PCDHA4: variants seen among roughly 807,000 people sequenced by gnomAD.
PCDHA4 encodes the protein protocadherin alpha 4, also known as protocadherin alpha-4.
A neutral mutation model predicts 61.4 loss-of-function variants in PCDHA4; 49 were observed. That is an observed-to-expected ratio of 0.80 (90% confidence interval 0.63 to 1.01). The LOEUF is 1.01. Among genes scored for constraint, PCDHA4 ranks in the 50% least tolerant of loss-of-function variants. The pLI is 0.00. For missense variants in PCDHA4, 1,254 were observed against 1,235.8 expected (o/e 1.01, Z -0.22); for synonymous variants, 590 against 550.3 (o/e 1.07, Z -1.01).
intron 1 of PCDHA4, among the ~76,000 whole-genome samples, chr5:140,917,223 C>T (rs1351907671): frequency 2.0e-5 from 3 of 150,934 alleles, no homozygotes; most frequent in African/African-American, 4.9e-5. Flanking sequence ...TTTAGTGATA[C>T]GTTGTTAAAT....
At position 140,840,546 on chromosome 5, in the gene PCDHA4, T is replaced by C. The variant is rs2150307753; in HGVS notation, c.2385+30974T>C. ...AGATGAAGAACTAACAAGCCAATGATGGCAATACTGCTAGAGTTTGGCATG... is the reference window on the plus strand; with the variant it reads ...AGATGAAGAACTAACAAGCCAATGACGGCAATACTGCTAGAGTTTGGCATG... On this transcript the variant is annotated intron_variant, in intron 1 of 3. Coordinates refer to ENST00000530339, the MANE Select transcript of PCDHA4 (RefSeq NM_018907.4). 2.8e-4 allele frequency among the ~76,000 whole-genome samples: 42 copies of C among 152,170 alleles called. 1 individual carries two copies. The highest frequency in any genetic ancestry group is 9.9e-4 in the African/African-American group (41 of 41,470).
intron 1 of PCDHA4, chr5:140,926,735 G>A (rs2083511846): frequency 1.1e-5 from 12 of 1,140,634 alleles, no homozygotes; most frequent in African/African-American, 1.6e-5. Context: ...GCGTTCGGGA[G>A]GCGCAACGTC....
intron 1 of PCDHA4, among the ~76,000 whole-genome samples, chr5:140,844,191 G>A (rs1554140562): frequency 6.7e-6 from 1 of 149,410 alleles, no homozygotes; most frequent in South Asian, 2.1e-4. Flanking sequence ...CATCTTATCT[G>A]ACTTTTTAGT....
chr5:140,842,046 T>C (rs1554138752), intron 1 of PCDHA4: 1 of 1,613,856 alleles, frequency 6.2e-7, no homozygotes, highest in African/African-American at 1.3e-5. Flanking sequence ...GCTCCCACTT[T>C]CGAACAGTCT....
At chr5:140,857,215 G>A in intron 1 of PCDHA4, 1 of 1,598,474 alleles carries the variant, frequency 6.3e-7, no homozygotes. Flanking sequence ...GCTCTCTGAC[G>A]CCTCACGTTC....
intron 1 of PCDHA4, among the ~76,000 whole-genome samples, chr5:140,896,268 A>T (rs2065469707): frequency 6.6e-6 from 1 of 152,150 alleles, no homozygotes; most frequent in African/African-American, 2.4e-5. Context: ...CAGTTATGGG[A>T]TTTGCTGGCT....
At chr5:140,850,410 G>T (rs369126896) in intron 1 of PCDHA4, 1 of 1,597,934 alleles carries the variant, frequency 6.3e-7, no homozygotes, top group Middle Eastern at 1.7e-4. Flanking sequence ...TGCCCTGGAC[G>T]AAACGGACGC....
rs1554124616 is a variant in PCDHA4, at chr5:140,808,527, A to G, written c.1340A>G (p.Asp447Gly). ...ATASVSVEVADVNDNAPAFAQ... is the reference protein window; with the variant it reads ...ATASVSVEVAGVNDNAPAFAQ... ...GCCAGTGTTTCTGTGGAGGTGGCTG[A>G]TGTGAACGACAACGCTCCGGCGTTC... Residue 447 changes from aspartate to glycine, a missense_variant, in exon 1 of 4, where the codon GAT becomes GGT. Asp to Gly is a moderately conservative substitution (Grantham distance 94). Coordinates refer to ENST00000530339, the MANE Select transcript of PCDHA4 (RefSeq NM_018907.4). 6.2e-7 allele frequency: 1 copy of G among 1,614,152 alleles called. No individual in the cohort carries two copies. The highest frequency in any genetic ancestry group is 1.7e-5 in the Admixed American group (1 of 60,036).
intron 1 of PCDHA4, chr5:140,823,713 T>G: frequency 6.2e-7 from 1 of 1,613,916 alleles, no homozygotes; most frequent in Admixed American, 1.7e-5. Flanking sequence ...GCCACCGCCT[T>G]CTGGTGCTGG....
chr5:140,957,021 T>C (rs1431974405), intron 1 of PCDHA4, among the ~76,000 whole-genome samples: 3 of 152,182 alleles, frequency 2.0e-5, no homozygotes, highest in Non-Finnish European at 2.9e-5. Context: ...AGTGAGCATT[T>C]AGATATTTAT....
intron 1 of PCDHA4, chr5:140,842,447 G>A: frequency 6.2e-7 from 1 of 1,613,790 alleles, no homozygotes; most frequent in Non-Finnish European, 8.5e-7. Context: ...TAGCGTGAAC[G>A]ACCTCGATTC....
chr5:140,898,338 C>G (rs2066670384), intron 1 of PCDHA4, among the ~76,000 whole-genome samples: 2 of 152,188 alleles, frequency 1.3e-5, no homozygotes, highest in African/African-American at 2.4e-5. Flanking sequence ...ACGTTTAAGT[C>G]TTTAATCCAT....
Position 140,809,365 on chromosome 5 carries a change from G to A in PCDHA4, c.2178G>A (p.Leu726=). 6.2e-7 allele frequency: 1 copy of A among 1,614,026 alleles called. No homozygotes were observed. Among genetic ancestry groups the A allele is most frequent in the Middle Eastern group, 1.7e-4 (1 of 6,060 alleles). The change falls in exon 1 of 4, where the codon CTG becomes CTA. Residue 726 remains leucine, a synonymous_variant. Transcript: ENST00000530339. ...ACACCGCGCTGCGGTGCTCTGCGCT[G>A]CCCACCGAGGGCGCGTGCGCTCCGG... is the stretch of plus-strand genomic sequence containing the variant. ...LLYTALRCSA[L]PTEGACAPGK...
rs2150473987 is a variant in PCDHA4 at position 140,850,218 on chromosome 5, G to C, written c.2385+40646G>C. ...GACACCTCGGATGAGGGGCACTGAC[G>C]GCGCAGTGAGCGAGATGGTGCTGCG... is the stretch of plus-strand genomic sequence containing the variant. On this transcript the variant is annotated intron_variant, in intron 1 of 3. Transcript: ENST00000530339. 11 of 1,593,684 alleles carry C rather than the reference G, an allele frequency of 6.9e-6. 1 individual carries two copies. The highest frequency in any genetic ancestry group is 4.4e-5 in the South Asian group (4 of 90,424).
chr5:140,942,589 T>G (rs1444015331), intron 1 of PCDHA4, among the ~76,000 whole-genome samples: 1 of 148,934 alleles, frequency 6.7e-6, no homozygotes, highest in Non-Finnish European at 1.5e-5. Flanking sequence ...GGATGTCACA[T>G]ATAATTATAG....
rs892297422 is a variant in PCDHA4, at chr5:140,851,955, G to T, written c.2385+42383G>T. The T allele has an allele frequency of 3.1e-6, 3 of 975,116 alleles. 1 individual carries two copies. Among genetic ancestry groups the T allele is most frequent in the Non-Finnish European group, 3.7e-6 (3 of 807,888 alleles). The allele number at this position is 975,116 out of a possible 1,614,324, so 60.4% of individuals were successfully genotyped here. A position where few individuals can be genotyped will look rare whatever the true frequency, so the allele number is the denominator to read the frequency against. On this transcript the variant is annotated intron_variant, in intron 1 of 3. Transcript: ENST00000530339. Reference sequence around the variant, plus strand: ...ATTGTAGTATGTGACTTTCAAAATGGTGGTTTTCCACACTCTACCTTTAGT... The same window carrying T: ...ATTGTAGTATGTGACTTTCAAAATGTTGGTTTTCCACACTCTACCTTTAGT...
At chr5:140,917,281 T>A (rs1354421886) in intron 1 of PCDHA4, among the ~76,000 whole-genome samples, 1 of 151,298 alleles carries the variant, frequency 6.6e-6, no homozygotes, top group Admixed American at 6.6e-5. Context: ...GTAATGACGC[T>A]TTTCCGTGTG....
In PCDHA4 at chr5:140,928,114, A is replaced by C. The variant is rs200013855; in HGVS notation, c.2386-50835A>C. ...TGATGGGCCCCTGGACCGGGAGCAG[A>C]TCAGTGAATACCAAGTCCTGATCAC... On this transcript the variant is annotated intron_variant, in intron 1 of 3. Coordinates refer to ENST00000530339, the MANE Select transcript of PCDHA4 (RefSeq NM_018907.4). 280 of 1,614,088 alleles carry C rather than the reference A, an allele frequency of 1.7e-4. No individual in the cohort carries two copies. Among genetic ancestry groups the C allele is most frequent in the Middle Eastern group, 6.6e-4 (4 of 6,084 alleles).
chr5:141,009,003 A>G (rs782499793), intron 3 of PCDHA4, among the ~76,000 whole-genome samples: 16 of 152,220 alleles, frequency 1.1e-4, no homozygotes, highest in Non-Finnish European at 1.5e-4. Flanking sequence ...AAAGGAGCAT[A>G]TTTTGCCTTT....
Sources: gnomAD v4.1 joint callset for allele counts (sites outside exome capture counted in the v4.1 genomes callset) on GRCh38, gnomAD v4.1.1 for gene constraint, MANE v1.5 for transcripts, NCBI Gene and HGNC (gene_info 2026-07-23, HGNC 2026-07-21) for gene names.